SGSM1: variants seen among roughly 807,000 people sequenced by gnomAD.
SGSM1 encodes the protein small G protein signaling modulator 1, also known as RUN and TBC1 domain containing 2.
A neutral mutation model predicts 133.8 loss-of-function variants in SGSM1; 73 were observed. The observed-to-expected ratio is 0.55, with a 90% CI of 0.45 to 0.66. SGSM1 has a LOEUF of 0.66. Ranked by LOEUF, SGSM1 falls within the 30% of genes least tolerant of loss-of-function variation. The pLI is 0.00. For missense variants in SGSM1, 1,213 were observed against 1,448.1 expected (o/e 0.84, Z 2.64); for synonymous variants, 563 against 573.0 (o/e 0.98, Z 0.25).
At chr22:24,807,883 G>A (rs1412645237) in intron 2 of SGSM1, among the ~76,000 whole-genome samples, 1 of 135,470 alleles carries the variant, frequency 7.4e-6, no homozygotes, top group African/African-American at 2.8e-5. Context: ...ATGAGTATGT[G>A]CCTGCGTGTG....
chr22:24,806,517 TC>T (rs1407171686), intron 2 of SGSM1, 33 bp downstream of exon 2: 2 of 1,486,174 alleles, frequency 1.3e-6, no homozygotes, highest in Admixed American at 2.6e-5. Flanking sequence ...TGGGCAGGAC[TC>T]CCCCGGCAGC....
intron 14 of SGSM1, among the ~76,000 whole-genome samples, chr22:24,881,497 C>T (rs532027379): frequency 2.0e-5 from 3 of 151,552 alleles, no homozygotes; most frequent in African/African-American, 4.8e-5. Context: ...ACCTGGGATG[C>T]GGAGCTTGCA....
Position 24,855,327 on chromosome 22 carries a change from A to C in SGSM1, c.566A>C (p.Asp189Ala). The C allele has an allele frequency of 1.2e-6, 2 of 1,612,940 alleles. No individual in the cohort carries two copies. The highest frequency in any genetic ancestry group is 1.7e-6 in the Non-Finnish European group (2 of 1,179,502). Reference sequence around the variant, plus strand: ...GAGTACACCAAGATGAAGACTGCAGATCACTTCTGGACCGATCCCTCGGCT... The same window carrying C: ...GAGTACACCAAGATGAAGACTGCAGCTCACTTCTGGACCGATCCCTCGGCT... Reference protein sequence around the residue: ...ALEYTKMKTADHFWTDPSADE... With the variant: ...ALEYTKMKTAAHFWTDPSADE... Residue 189 changes from aspartate to alanine, a missense_variant, in exon 7 of 25, where the codon GAT becomes GCT. By Grantham distance (126) the Asp-to-Ala change is moderately radical (BLOSUM62 -2). Coordinates refer to ENST00000400358, the MANE Select transcript of SGSM1 (RefSeq NM_001098497.3).
intron 20 of SGSM1, among the ~76,000 whole-genome samples, chr22:24,904,261 A>G (rs927308797): frequency 2.6e-5 from 4 of 152,178 alleles, no homozygotes; most frequent in African/African-American, 9.7e-5. Context: ...GGGATAGTCC[A>G]TGTTTCACAT....
At chr22:24,844,849 C>T (rs772895110) in intron 2 of SGSM1, 48 bp from the exon 3 acceptor site, 12 of 1,599,544 alleles carry the variant, frequency 7.5e-6, no homozygotes, top group African/African-American at 1.3e-5. Flanking sequence ...ACCCAGGTCA[C>T]CTTGGTCACC....
At chr22:24,853,933 A>G (rs994334868) in intron 5 of SGSM1, among the ~76,000 whole-genome samples, 1 of 149,988 alleles carries the variant, frequency 6.7e-6, no homozygotes, top group South Asian at 2.1e-4. Flanking sequence ...CACTTCTTAC[A>G]TGGCGGCGGC....
In SGSM1 at chr22:24,816,417, C is replaced by CTTTTTTTTTTTTT. The variant is rs3062145; in HGVS notation, c.63+9937_63+9949dup. Among the ~76,000 whole-genome samples, 4 of 130,094 alleles carry CTTTTTTTTTTTTT rather than the reference C, an allele frequency of 3.1e-5. 1 individual carries two copies. Among genetic ancestry groups the CTTTTTTTTTTTTT allele is most frequent in the Admixed American group, 8.5e-5 (1 of 11,806 alleles). 85.3% of individuals were successfully genotyped at this position (130,094 alleles called of 152,430 possible). A position where few individuals can be genotyped will look rare whatever the true frequency, so the allele number is the denominator to read the frequency against. On this transcript the variant is annotated intron_variant, in intron 2 of 24. Transcript: ENST00000400358. The stretch of plus-strand genomic sequence containing the variant: ...AAAAATTGATTTCTTTTTTTTCTTT[C>CTTTTTTTTTTTTT]TTTTTTTTTTTTTTTTGAGATGGTG...
chr22:24,857,905 G>A (rs550711088), intron 8 of SGSM1, among the ~76,000 whole-genome samples: 1 of 152,234 alleles, frequency 6.6e-6, no homozygotes, highest in Non-Finnish European at 1.5e-5. Context: ...AAAATGTTTG[G>A]TGGTCCCTGA....
At chr22:24,860,084 G>C (rs1931039716) in intron 9 of SGSM1, among the ~76,000 whole-genome samples, 1 of 152,148 alleles carries the variant, frequency 6.6e-6, no homozygotes, top group African/African-American at 2.4e-5. Context: ...CAATGCCCTG[G>C]ACAAAACCAT....
intron 2 of SGSM1, among the ~76,000 whole-genome samples, chr22:24,815,041 C>T (rs1324449000): frequency 6.6e-6 from 1 of 152,202 alleles, no homozygotes; most frequent in African/African-American, 2.4e-5. Flanking sequence ...GAATGCTAAA[C>T]TCAGATGTGG....
chr22:24,919,278 C>T (rs1297789119), intron 23 of SGSM1, among the ~76,000 whole-genome samples: 1 of 151,930 alleles, frequency 6.6e-6, no homozygotes, highest in African/African-American at 2.4e-5. Flanking sequence ...TCTTGAACTC[C>T]TGACCTCGTG....
intron 2 of SGSM1, among the ~76,000 whole-genome samples, chr22:24,832,349 G>A (rs898646439): frequency 3.9e-5 from 6 of 152,186 alleles, no homozygotes; most frequent in Non-Finnish European, 5.9e-5. Context: ...TAGATAAGAG[G>A]GTTAGTGTTA....
intron 2 of SGSM1, among the ~76,000 whole-genome samples, chr22:24,815,233 A>T (rs1382496977): frequency 3.3e-5 from 5 of 152,164 alleles, no homozygotes; most frequent in African/African-American, 9.7e-5. Flanking sequence ...AGTTCAAGAG[A>T]CTTGGTGATG....
At chr22:24,815,661 C>T (rs1221621972) in intron 2 of SGSM1, among the ~76,000 whole-genome samples, 1 of 152,136 alleles carries the variant, frequency 6.6e-6, no homozygotes, top group African/African-American at 2.4e-5. Context: ...AGGAGAATGG[C>T]GTGAACCTGG....
Position 24,837,586 on chromosome 22 carries a change from C to CTG in SGSM1, c.64-7311_64-7310insTG, listed in dbSNP as rs1555922707. ...CCCCCGGGGAAAGGGAGACCCCCCC[C>CTG]CCCCCTTTCCCAGTCTGCTAAGTAG... On this transcript the variant is annotated intron_variant, in intron 2 of 24. Coordinates refer to ENST00000400358, the MANE Select transcript of SGSM1 (RefSeq NM_001098497.3). Among the ~76,000 whole-genome samples the CTG allele has an allele frequency of 4.1e-5, 3 of 74,048 alleles. 1 individual carries two copies. The highest frequency in any genetic ancestry group is 1.6e-4 in the African/African-American group (3 of 18,898). The allele number at this position is 74,048 out of a possible 152,430, so 48.6% of individuals were successfully genotyped here.
chr22:24,920,585 G>A (rs759875783), intron 24 of SGSM1, among the ~76,000 whole-genome samples: 5 of 152,110 alleles, frequency 3.3e-5, no homozygotes, highest in Non-Finnish European at 5.9e-5. Context: ...CCAGCACGTG[G>A]TACCTGGCTC....
chr22:24,893,425 T>C lies in SGSM1; in HGVS notation c.1771-6T>C. The stretch of plus-strand genomic sequence containing the variant: ...ACCTCGGGTGACATTGCATCTGCCC[T>C]GGCAGGTGGACGAGCAGATTCATGC... On this transcript the variant is annotated splice_polypyrimidine_tract_variant and splice_region_variant and intron_variant, in intron 16 of 24. Transcript: ENST00000400358. The C allele has an allele frequency of 6.2e-7, 1 of 1,613,460 alleles. No homozygotes were observed. The highest frequency in any genetic ancestry group is 8.5e-7 in the Non-Finnish European group (1 of 1,179,646).
intron 24 of SGSM1, 140 bp downstream of exon 24, chr22:24,920,133 A>G (rs1263149527): frequency 2.2e-6 from 2 of 923,396 alleles, no homozygotes; most frequent in South Asian, 1.8e-5. Context: ...TCTTATGGCT[A>G]TTTCCAAAAG....
intron 2 of SGSM1, among the ~76,000 whole-genome samples, chr22:24,836,711 T>C (rs1929450848): frequency 6.6e-6 from 1 of 152,248 alleles, no homozygotes; most frequent in African/African-American, 2.4e-5. Flanking sequence ...CATGTGCTTG[T>C]TCGTCATTTG....
Sources: allele counts gnomAD v4.1 joint callset (sites outside exome capture counted in the v4.1 genomes callset), GRCh38; gene constraint gnomAD v4.1.1; transcripts MANE v1.5; gene names NCBI Gene and HGNC (gene_info 2026-07-23, HGNC 2026-07-21).